The following MTRR variants were observed in gnomAD, a reference collection of about 807,000 sequenced individuals.
The protein encoded by MTRR is methionine synthase reductase.
Under a neutral mutation model 79.2 loss-of-function variants are expected in MTRR, and 63 were observed. That is an observed-to-expected ratio of 0.80 (90% CI 0.65 to 0.98). The LOEUF (loss-of-function observed/expected upper bound fraction) is 0.98, where lower values mean the gene tolerates loss of function less well. Among genes scored for constraint, MTRR ranks in the 50% least tolerant of loss-of-function variants. MTRR has a pLI of 0.00. For missense variants in MTRR, 895 were observed against 839.6 expected (o/e 1.07, Z -0.82); for synonymous variants, 355 against 313.3 (o/e 1.13, Z -1.41).
chr5:7,878,468 G>T, intron 5 of MTRR, 146 bp downstream of exon 5: 1 of 1,044,834 alleles, frequency 9.6e-7, no homozygotes, highest in East Asian at 2.4e-5. Flanking sequence ...TTTGTAAATA[G>T]ATTTTACTGG....
In MTRR at chr5:7,886,722, T is replaced by G. The variant is rs747045329; in HGVS notation, c.1146+19T>G. 9.0e-6 allele frequency: 14 copies of G among 1,559,954 alleles called. No individual in the cohort carries two copies. The South Asian group carries it at 1.4e-4, about 16-fold the overall frequency. ...TAAAAAGGTATTTTTTTCTGTCTTC[T>G]TCAGGTAACTATTTTAAAATATGCT... is the stretch of plus-strand genomic sequence containing the variant. On this transcript the variant is annotated intron_variant, in intron 8 of 14. Transcript: ENST00000440940.
intron 5 of MTRR, 112 bp downstream of exon 5, chr5:7,878,434 C>T (rs1192839575): frequency 2.6e-5 from 35 of 1,332,124 alleles, no homozygotes; most frequent in Non-Finnish European, 3.7e-5. Flanking sequence ...GGCTTACTGG[C>T]CCAATGTGGC....
At chr5:7,855,971 G>A (rs547345022) in intron 1 of MTRR, among the ~76,000 whole-genome samples, 10 of 152,176 alleles carry the variant, frequency 6.6e-5, no homozygotes, top group Admixed American at 2.0e-4. Flanking sequence ...CACCACAGGA[G>A]CCTAGAGACA....
chr5:7,890,652 T>C (rs2126781101), intron 9 of MTRR, among the ~76,000 whole-genome samples: 1 of 152,300 alleles, frequency 6.6e-6, no homozygotes, highest in Admixed American at 6.5e-5. Flanking sequence ...CTAAACCTTA[T>C]TTTGATGTTT....
intron 3 of MTRR, 171 bp from the exon 4 acceptor site, chr5:7,875,087 A>C: frequency 1.6e-6 from 1 of 624,014 alleles, no homozygotes; most frequent in Non-Finnish European, 2.8e-6. Flanking sequence ...AATAGAAGAA[A>C]ACTGCCTACA....
chr5:7,863,283 AGAGT>A (rs1217943102), intron 2 of MTRR: 9 of 354,906 alleles, frequency 2.5e-5, no homozygotes, highest in Middle Eastern at 1.7e-3. Context: ...GAGTGAGGAG[AGAGT>A]GAGAAGAAAC....
At chr5:7,868,998 A>T, upstream of MTRR, 1 of 1,002,754 alleles carries the variant, frequency 1.0e-6, no homozygotes, top group Non-Finnish European at 1.6e-6. Flanking sequence ...CCGGGCAATC[A>T]CTCCGGGTGG....
At chr5:7,898,056 C>A (rs765781571) in intron 14 of MTRR, among the ~76,000 whole-genome samples, 5 of 152,170 alleles carry the variant, frequency 3.3e-5, no homozygotes, top group Admixed American at 1.3e-4. Context: ...CTGATCATTT[C>A]TCTTCCATTT....
At chr5:7,868,608 C>G (rs1747247318), upstream of MTRR, among the ~76,000 whole-genome samples, 3 of 152,124 alleles carry the variant, frequency 2.0e-5, no homozygotes, top group African/African-American at 7.2e-5. Flanking sequence ...AGGCCCTAAG[C>G]TGTTGGTTTC....
intron 5 of MTRR, among the ~76,000 whole-genome samples, chr5:7,881,253 C>G (rs1735542241): frequency 6.6e-6 from 1 of 152,086 alleles, no homozygotes; most frequent in Admixed American, 6.5e-5. Flanking sequence ...GGGCATAGTG[C>G]TCTGTCGTAT....
At chr5:7,890,286 A>C in intron 9 of MTRR, 1 of 985,276 alleles carries the variant, frequency 1.0e-6, no homozygotes, top group Non-Finnish European at 1.2e-6. Flanking sequence ...GGACCTCCCC[A>C]AAATGCTAAG....
At chr5:7,872,376 G>A (rs1748142683) in intron 2 of MTRR, 2 of 342,042 alleles carry the variant, frequency 5.8e-6, no homozygotes, top group South Asian at 2.4e-5. Flanking sequence ...AACTTGATTT[G>A]TAAGAGTTTA....
upstream of MTRR, chr5:7,865,753 C>G (rs1346692712): frequency 1.6e-6 from 1 of 607,806 alleles, no homozygotes; most frequent in Non-Finnish European, 3.0e-6. Flanking sequence ...GTCCATTTAT[C>G]AAAGAAAAGC....
chr5:7,883,059 A>G (rs1262694142), intron 5 of MTRR, 96 bp from the exon 6 acceptor site: 2 of 1,517,280 alleles, frequency 1.3e-6, no homozygotes, highest in East Asian at 2.3e-5. Flanking sequence ...GTAGCCAGGA[A>G]GTTTTGTAAG....
At chr5:7,870,991 A>C (rs918611195) in intron 2 of MTRR, 68 bp downstream of exon 2, 1 of 1,586,906 alleles carries the variant, frequency 6.3e-7, no homozygotes, top group Admixed American at 1.7e-5. Context: ...AGTGATATTT[A>C]TGAAACAAAA....
chr5:7,885,549 A>G, intron 6 of MTRR, 152 bp from the exon 7 acceptor site: 1 of 819,138 alleles, frequency 1.2e-6, no homozygotes, highest in South Asian at 1.8e-5. Flanking sequence ...CTTATTTTTT[A>G]AAACAATTGT....
intron 1 of MTRR, 62 bp downstream of exon 1, chr5:7,869,277 G>C: frequency 6.3e-7 from 1 of 1,589,400 alleles, no homozygotes. Flanking sequence ...TAATCTCCTG[G>C]GAGAGGCGGC....
chr5:7,879,548 T>G (rs900587500), intron 5 of MTRR, among the ~76,000 whole-genome samples: 7 of 151,876 alleles, frequency 4.6e-5, no homozygotes, highest in African/African-American at 1.7e-4. Flanking sequence ...AATAATGTAG[T>G]TAAAAGATTT....
chr5:7,879,353 C>T (rs1474714163), intron 5 of MTRR, among the ~76,000 whole-genome samples: 1 of 151,088 alleles, frequency 6.6e-6, no homozygotes, highest in Non-Finnish European at 1.5e-5. Context: ...TTTAAATTAG[C>T]CGGAAGATCT....
Sources: gnomAD v4.1 joint callset for allele counts (sites outside exome capture counted in the v4.1 genomes callset) on GRCh38, gnomAD v4.1.1 for gene constraint, MANE v1.5 for transcripts, NCBI Gene and HGNC (gene_info 2026-07-23, HGNC 2026-07-21) for gene names.